Variants in TYW1B observed in about 807,000 individuals in gnomAD.
TYW1B encodes the protein S-adenosyl-L-methionine-dependent tRNA 4-demethylwyosine synthase TYW1B.
TYW1B carries 73 observed loss-of-function variants against 86.9 expected under a neutral mutation model. The ratio of observed to expected loss-of-function variants is 0.84; its 90% confidence interval spans 0.70 to 1.02. The LOEUF is 1.02. Among genes scored for constraint, TYW1B ranks in the 50% least tolerant of loss-of-function variants. The probability of loss-of-function intolerance (pLI) is 0.00; values close to 1 mark genes in which losing one functional copy is unlikely to be tolerated. For missense variants in TYW1B, 637 were observed against 827.4 expected (o/e 0.77, Z 2.82); for synonymous variants, 248 against 292.8 (o/e 0.85, Z 1.56).
At chr7:72,817,709 T>C (rs1328382799) in intron 2 of TYW1B, among the ~76,000 whole-genome samples, 47 of 152,136 alleles carry the variant, frequency 3.1e-4, no homozygotes, top group Non-Finnish European at 5.4e-4. Context: ...AGGTACACTC[T>C]ACAGAGAGGA....
At chr7:72,809,452 A>C (rs1788559903) in intron 4 of TYW1B, among the ~76,000 whole-genome samples, 1 of 151,960 alleles carries the variant, frequency 6.6e-6, no homozygotes, top group Non-Finnish European at 1.5e-5. Flanking sequence ...CAGGAGTTTG[A>C]ACCAAGCCTG....
At chr7:72,742,888 C>CT (rs1357935853) in intron 8 of TYW1B, among the ~76,000 whole-genome samples, 1 of 151,840 alleles carries the variant, frequency 6.6e-6, no homozygotes, top group Non-Finnish European at 1.5e-5. Context: ...ATTTTGGTTG[C>CT]TAAAGGGAGA....
intron 11 of TYW1B, among the ~76,000 whole-genome samples, chr7:72,653,167 A>G (rs1218856367): frequency 6.6e-6 from 1 of 152,232 alleles, no homozygotes; most frequent in African/African-American, 2.4e-5. Context: ...AAGTCAGAGC[A>G]GAAATCAATA....
intron 11 of TYW1B, among the ~76,000 whole-genome samples, chr7:72,656,733 G>C (rs1260858581): frequency 6.6e-6 from 1 of 152,220 alleles, no homozygotes; most frequent in Admixed American, 6.5e-5. Context: ...CTTCTGGTGA[G>C]GCCTCAGGAG....
At chr7:72,827,200 G>C (rs564419308) in intron 1 of TYW1B, among the ~76,000 whole-genome samples, 1 of 152,234 alleles carries the variant, frequency 6.6e-6, no homozygotes, top group Admixed American at 6.5e-5. Flanking sequence ...CTGAGGTCAG[G>C]AGTTCGAGAC....
At chr7:72,636,403 T>C (rs1230146775) in intron 11 of TYW1B, among the ~76,000 whole-genome samples, 1 of 152,218 alleles carries the variant, frequency 6.6e-6, no homozygotes, top group Admixed American at 6.5e-5. Context: ...GACATCTTCC[T>C]TTCCAATCAT....
chr7:72,807,296 C>A lies in TYW1B; in HGVS notation c.493G>T (p.Gly165Trp). The part of the protein sequence containing the change: ...MLGVHRVMSR[G>W]EGDCDVVKSK... ...TTAACCACGTCGCAGTCGCCCTCCC[C>A]TCGACTCATCACACGATGCACGCCA... The change falls in exon 5 of 14, where the codon GGG (glycine) becomes TGG (tryptophan). Residue 165 changes from glycine to tryptophan, a missense_variant. Physicochemically the swap from Gly to Trp is radical, Grantham distance 184. Transcript: ENST00000620995. 1 of 1,614,178 alleles carries A rather than the reference C, an allele frequency of 6.2e-7. No individual in the cohort carries two copies. The highest frequency in any genetic ancestry group is 1.1e-5 in the South Asian group (1 of 91,072).
At chr7:72,821,015 C>A (rs543996359) in intron 2 of TYW1B, among the ~76,000 whole-genome samples, 1 of 152,306 alleles carries the variant, frequency 6.6e-6, no homozygotes, top group South Asian at 2.1e-4. Flanking sequence ...CTCTGTCCCC[C>A]AGGCTGGAGT....
At chr7:72,827,851 G>A (rs563166906) in intron 1 of TYW1B, among the ~76,000 whole-genome samples, 13 of 152,336 alleles carry the variant, frequency 8.5e-5, no homozygotes, top group Admixed American at 2.6e-4. Context: ...GGTAAAGTGG[G>A]AGGGGTAGTT....
At chr7:72,643,400 A>G (rs1297312035) in intron 11 of TYW1B, among the ~76,000 whole-genome samples, 1 of 151,932 alleles carries the variant, frequency 6.6e-6, no homozygotes, top group Admixed American at 6.6e-5. Flanking sequence ...CAGCCTGATC[A>G]ACACTGTGAA....
At chr7:72,786,662 G>A (rs1238403632) in intron 6 of TYW1B, among the ~76,000 whole-genome samples, 1 of 145,384 alleles carries the variant, frequency 6.9e-6, no homozygotes, top group African/African-American at 2.6e-5. Context: ...TACAACCTCC[G>A]TCTCCCGGGG....
At chr7:72,612,821 G>A (rs1218977523) in intron 13 of TYW1B, among the ~76,000 whole-genome samples, 1 of 151,908 alleles carries the variant, frequency 6.6e-6, no homozygotes, top group African/African-American at 2.4e-5. Flanking sequence ...ATAATCACGG[G>A]TCACTGCAGC....
intron 10 of TYW1B, among the ~76,000 whole-genome samples, chr7:72,710,160 T>C (rs1786610382): frequency 1.3e-5 from 2 of 152,188 alleles, no homozygotes; most frequent in Non-Finnish European, 2.9e-5. Flanking sequence ...CAATGAATCA[T>C]CTTCTCTGGT....
intron 9 of TYW1B, among the ~76,000 whole-genome samples, chr7:72,718,730 A>C (rs763689159): frequency 3.9e-4 from 59 of 152,314 alleles, no homozygotes; most frequent in Non-Finnish European, 7.3e-4. Flanking sequence ...TGCCAAGACA[A>C]CTCAGCATTA....
rs587645992 is a variant in TYW1B, at chr7:72,770,427, C to CAAA, written c.964+6986_964+6988dup. 3.9e-4 allele frequency among the ~76,000 whole-genome samples: 37 copies of CAAA among 94,334 alleles called. 1 individual carries two copies. The highest frequency in any genetic ancestry group is 1.2e-3 in the African/African-American group (28 of 22,992). The allele number at this position is 94,334 out of a possible 152,430, so 61.9% of individuals were successfully genotyped here. A position where few individuals can be genotyped will look rare whatever the true frequency, so the allele number is the denominator to read the frequency against. ...CTGGCAACAGAGTGAGACTCCGTCT[C>CAAA]AAAAAAAAAAAAAAAAAAAGAAAAA... On this transcript the variant is annotated intron_variant, in intron 7 of 13. Transcript: ENST00000620995.
chr7:72,651,900 G>C (rs1332712071), intron 11 of TYW1B, among the ~76,000 whole-genome samples: 2 of 152,126 alleles, frequency 1.3e-5, no homozygotes, highest in African/African-American at 4.8e-5. Flanking sequence ...GTTCATAATA[G>C]ACACAAATTG....
intron 11 of TYW1B, among the ~76,000 whole-genome samples, chr7:72,635,193 T>C (rs184253397): frequency 6.6e-6 from 1 of 152,194 alleles, no homozygotes; most frequent in Non-Finnish European, 1.5e-5. Context: ...ATTTAACATA[T>C]GGATAGTCCA....
chr7:72,701,275 A>AT (rs1814464876), intron 10 of TYW1B, among the ~76,000 whole-genome samples: 1 of 151,390 alleles, frequency 6.6e-6, no homozygotes, highest in Admixed American at 6.6e-5. Flanking sequence ...CTTTTTATTT[A>AT]TTTTTTGCGA....
At chr7:72,755,354 G>A (rs1310748720) in intron 7 of TYW1B, among the ~76,000 whole-genome samples, 2 of 152,184 alleles carry the variant, frequency 1.3e-5, no homozygotes, top group African/African-American at 2.4e-5. Flanking sequence ...GGGAAGTCAA[G>A]GCTGCAGTGA....
Sources: gnomAD v4.1 joint callset for allele counts (sites outside exome capture counted in the v4.1 genomes callset) on GRCh38, gnomAD v4.1.1 for gene constraint, MANE v1.5 for transcripts, NCBI Gene and HGNC (gene_info 2026-07-23, HGNC 2026-07-21) for gene names.